Variants in PALM2AKAP2 observed in about 807,000 individuals in gnomAD.
The protein encoded by PALM2AKAP2 is PALM2 and AKAP2 fusion.
Under a neutral mutation model 71.5 loss-of-function variants are expected in PALM2AKAP2, and 37 were observed. The ratio of observed to expected loss-of-function variants is 0.52; its 90% CI spans 0.40 to 0.68. The LOEUF is 0.68. PALM2AKAP2 is among the 30% of genes least tolerant of loss of function. The probability of loss-of-function intolerance (pLI) is 0.00; values close to 1 mark genes in which losing one functional copy is unlikely to be tolerated. For missense variants in PALM2AKAP2, 1,224 were observed against 1,191.8 expected (o/e 1.03, Z -0.40); for synonymous variants, 468 against 478.8 (o/e 0.98, Z 0.29).
intron 1 of PALM2AKAP2, among the ~76,000 whole-genome samples, chr9:109,851,203 CAACAACAAAA>C (rs1308124721): frequency 5.1e-4 from 24 of 46,926 alleles, no homozygotes; most frequent in African/African-American, 2.0e-3. Flanking sequence ...ACAACAACAA[CAACAACAAAA>C]AAAAAAAAAC....
At chr9:110,055,698 G>C (rs1337995342) in intron 1 of PALM2AKAP2, among the ~76,000 whole-genome samples, 2 of 152,190 alleles carry the variant, frequency 1.3e-5, no homozygotes, top group Admixed American at 6.5e-5. Flanking sequence ...TGCAGAGTAT[G>C]GATAAACAGT....
At chr9:109,845,117 G>T (rs1248466769) in intron 1 of PALM2AKAP2, among the ~76,000 whole-genome samples, 1 of 152,206 alleles carries the variant, frequency 6.6e-6, no homozygotes, top group Non-Finnish European at 1.5e-5. Flanking sequence ...CTTACTAAGT[G>T]CATTTGAAGA....
exon 4 of PALM2AKAP2, chr9:110,171,178 G>C (rs1256595384): frequency 6.6e-6 from 1 of 152,182 alleles, no homozygotes; most frequent in East Asian, 1.9e-4. Flanking sequence ...TAAGAGAAAA[G>C]CTTAAGAGGC....
chr9:109,778,789 A>G (rs1017759870), upstream of PALM2AKAP2, among the ~76,000 whole-genome samples: 28 of 130,398 alleles, frequency 2.1e-4, no homozygotes, highest in Non-Finnish European at 3.7e-4. Flanking sequence ...TTTTTTTGAG[A>G]CAGAGTTTCA....
At chr9:109,945,852 A>G (rs1831491320) in intron 6 of PALM2AKAP2, 1 of 152,218 alleles carries the variant, frequency 6.6e-6, no homozygotes, top group Admixed American at 6.5e-5. Context: ...TCTTACTACA[A>G]CACTACACAC....
At chr9:109,809,235 C>T (rs1827663709) in intron 1 of PALM2AKAP2, among the ~76,000 whole-genome samples, 1 of 152,210 alleles carries the variant, frequency 6.6e-6, no homozygotes, top group Non-Finnish European at 1.5e-5. Context: ...AGAAATGCCA[C>T]AGACTTTCAA....
intron 7 of PALM2AKAP2, among the ~76,000 whole-genome samples, chr9:110,021,754 A>C (rs1327072290): frequency 6.6e-6 from 1 of 152,036 alleles, no homozygotes; most frequent in African/African-American, 2.4e-5. Context: ...AAAAAAAAAA[A>C]AACAGGTATG....
At chr9:109,672,180 C>T (rs546249394) in intron 1 of PALM2AKAP2, among the ~76,000 whole-genome samples, 5 of 152,166 alleles carry the variant, frequency 3.3e-5, no homozygotes, top group African/African-American at 9.6e-5. Flanking sequence ...TGTCTTGTGC[C>T]GGTTTTCAAG....
At chr9:109,670,356 G>A (rs1204217407) in intron 1 of PALM2AKAP2, among the ~76,000 whole-genome samples, 1 of 152,128 alleles carries the variant, frequency 6.6e-6, no homozygotes, top group Admixed American at 6.5e-5. Flanking sequence ...ACTTATAAAT[G>A]AGAACATGAG....
intron 5 of PALM2AKAP2, among the ~76,000 whole-genome samples, chr9:109,929,217 C>G (rs948009846): frequency 1.4e-5 from 2 of 147,556 alleles, no homozygotes; most frequent in African/African-American, 2.5e-5. Context: ...ATTGAGTATG[C>G]AGACACACAT....
intron 1 of PALM2AKAP2, among the ~76,000 whole-genome samples, chr9:110,079,283 G>T (rs1834390836): frequency 6.6e-6 from 1 of 152,064 alleles, no homozygotes; most frequent in Non-Finnish European, 1.5e-5. Flanking sequence ...ATCACCTGAG[G>T]TCAGGGGATT....
intron 3 of PALM2AKAP2, among the ~76,000 whole-genome samples, chr9:109,909,871 A>G (rs1244989428): frequency 6.6e-6 from 1 of 152,292 alleles, no homozygotes; most frequent in East Asian, 1.9e-4. Context: ...TTCTGCAGGT[A>G]AATGAGAGGC....
In PALM2AKAP2 at chr9:109,926,808, C is replaced by G. The variant is rs571515426; in HGVS notation, c.394+1726C>G. On this transcript the variant is annotated intron_variant, in intron 5 of 9. Transcript: ENST00000302798. ...AGGAGTCTGTGTGGGGCATGGAGAC[C>G]TGTCATACTCTGTGACTTGTTAACA... Among the ~76,000 whole-genome samples, 23 of 152,244 alleles carry G rather than the reference C, an allele frequency of 1.5e-4. 1 individual carries two copies. The South Asian group carries it at 4.8e-3, about 32-fold the overall frequency.
intron 1 of PALM2AKAP2, among the ~76,000 whole-genome samples, chr9:110,049,634 A>T (rs1002423382): frequency 6.6e-6 from 1 of 152,030 alleles, no homozygotes; most frequent in Non-Finnish European, 1.5e-5. Flanking sequence ...GTATGGGAAG[A>T]GCAGACCGTG....
chr9:110,122,081 G>A (rs1472144616), intron 1 of PALM2AKAP2, among the ~76,000 whole-genome samples: 1 of 152,170 alleles, frequency 6.6e-6, no homozygotes, highest in East Asian at 1.9e-4. Flanking sequence ...CACTTCTTAA[G>A]GTTTTTTCTT....
rs149731497 is a variant in PALM2AKAP2, at chr9:109,750,812, A to C, written c.6-29676A>C. On this transcript the variant is annotated intron_variant, in intron 1 of 6. Transcript: ENST00000374531. ...CTTAAGACATTCTTTTGTAAGATAT[A>C]GTATGGTCCAAACAAAACCATGCCT... Among the ~76,000 whole-genome samples, 407 of 152,328 alleles carry C rather than the reference A, an allele frequency of 2.7e-3. 3 individuals are homozygous for C. Among genetic ancestry groups the C allele is most frequent in the African/African-American group, 9.4e-3 (390 of 41,580 alleles).
chr9:109,751,795 CACCG>C (rs375308918), intron 1 of PALM2AKAP2, among the ~76,000 whole-genome samples: 208 of 152,248 alleles, frequency 1.4e-3, no homozygotes, highest in African/African-American at 4.8e-3. Context: ...CTGAATCCAT[CACCG>C]AGTAAAGAGC....
chr9:110,045,138 C>T (rs970520342), upstream of PALM2AKAP2, among the ~76,000 whole-genome samples: 1 of 152,218 alleles, frequency 6.6e-6, no homozygotes, highest in East Asian at 1.9e-4. Flanking sequence ...AAAATGTACA[C>T]TTAGGCCACA....
intron 1 of PALM2AKAP2, among the ~76,000 whole-genome samples, chr9:109,797,394 C>T (rs1827291234): frequency 6.6e-6 from 1 of 152,216 alleles, no homozygotes; most frequent in African/African-American, 2.4e-5. Context: ...GATTCTTGGA[C>T]TGTGTTTGAG....
Sources: gnomAD v4.1 joint callset for allele counts (sites outside exome capture counted in the v4.1 genomes callset) on GRCh38, gnomAD v4.1.1 for gene constraint, MANE v1.5 for transcripts, NCBI Gene and HGNC (gene_info 2026-07-23, HGNC 2026-07-21) for gene names.